PLCB4: variants seen among roughly 807,000 people sequenced by gnomAD.
PLCB4 encodes 1-phosphatidylinositol 4,5-bisphosphate phosphodiesterase beta-4.
A neutral mutation model predicts 178.8 loss-of-function variants in PLCB4; 77 were observed. The ratio of observed to expected loss-of-function variants is 0.43; its 90% confidence interval spans 0.36 to 0.52. The LOEUF is 0.52. Ranked by LOEUF, PLCB4 falls within the 20% of genes least tolerant of loss-of-function variation. The pLI is 0.00. For synonymous variants in PLCB4, 496 were observed against 490.8 expected, an observed-to-expected ratio of 1.01 and a Z score of -0.14; for missense variants, 1,024 against 1,453.4, an observed-to-expected ratio of 0.70 and a Z score of 4.80.
intron 4 of PLCB4, among the ~76,000 whole-genome samples, chr20:9,318,580 C>A (rs954273302): frequency 1.3e-5 from 2 of 152,144 alleles, no homozygotes; most frequent in Non-Finnish European, 2.9e-5. Context: ...AGGACTCAGG[C>A]CCTCCTCTCA....
intron 2 of PLCB4, among the ~76,000 whole-genome samples, chr20:9,184,517 A>G (rs1049984609): frequency 6.7e-6 from 1 of 150,316 alleles, no homozygotes; most frequent in Non-Finnish European, 1.5e-5. Flanking sequence ...TAACATTACT[A>G]TGCTCATAGG....
intron 2 of PLCB4, among the ~76,000 whole-genome samples, chr20:9,204,005 C>T (rs988819749): frequency 8.6e-5 from 13 of 151,760 alleles, no homozygotes; most frequent in Non-Finnish European, 1.5e-4. Context: ...TTCTTTCTCC[C>T]CCATGACTGC....
chr20:9,149,242 G>T (rs938174054), intron 2 of PLCB4, among the ~76,000 whole-genome samples: 1 of 152,052 alleles, frequency 6.6e-6, no homozygotes, highest in Non-Finnish European at 1.5e-5. Flanking sequence ...TGATCTCCAC[G>T]GCTGTTGCCC....
chr20:9,445,827 G>C (rs796522247), intron 32 of PLCB4, among the ~76,000 whole-genome samples: 7 of 152,350 alleles, frequency 4.6e-5, no homozygotes, highest in African/African-American at 1.7e-4. Context: ...AGAAATAAGA[G>C]AGAAAGCACC....
chr20:9,273,599 GGTGA>G (rs1209952150), intron 3 of PLCB4, among the ~76,000 whole-genome samples: 1 of 151,810 alleles, frequency 6.6e-6, no homozygotes, highest in Admixed American at 6.6e-5. Context: ...GTATTTGCCA[GGTGA>G]AGGAGGAGGA....
chr20:9,466,679 A>G (rs962169697), intron 35 of PLCB4, among the ~76,000 whole-genome samples: 2 of 152,254 alleles, frequency 1.3e-5, no homozygotes, highest in Middle Eastern at 3.2e-3. Flanking sequence ...ACATGAAAAA[A>G]TGCTCATCAT....
chr20:9,238,412 C>T (rs925840464), intron 3 of PLCB4, among the ~76,000 whole-genome samples: 22 of 152,184 alleles, frequency 1.4e-4, no homozygotes, highest in Admixed American at 1.2e-3. Flanking sequence ...GTTGACCCCC[C>T]CCCGAGGGAC....
intron 1 of PLCB4, among the ~76,000 whole-genome samples, chr20:9,089,150 C>A (rs1250456345): frequency 6.6e-6 from 1 of 151,610 alleles, no homozygotes; most frequent in African/African-American, 2.4e-5. Context: ...TACAAAATAG[C>A]CTTAAAAGAT....
intron 1 of PLCB4, among the ~76,000 whole-genome samples, chr20:9,075,947 T>C (rs536921084): frequency 1.2e-4 from 19 of 152,354 alleles, no homozygotes; most frequent in African/African-American, 4.1e-4. Context: ...CACCGTGTAC[T>C]AGAACATGTC....
chr20:9,291,703 A>G (rs1014099212), intron 3 of PLCB4, among the ~76,000 whole-genome samples: 1 of 152,158 alleles, frequency 6.6e-6, no homozygotes, highest in African/African-American at 2.4e-5. Flanking sequence ...TTGGGCGCAT[A>G]AGGAGATAAA....
intron 2 of PLCB4, among the ~76,000 whole-genome samples, chr20:9,149,555 G>A (rs772536872): frequency 3.3e-5 from 5 of 152,080 alleles, no homozygotes; most frequent in Non-Finnish European, 5.9e-5. Context: ...TGACATCCAC[G>A]TTATGCAGTT....
chr20:9,400,598 A>C (rs186675298), intron 19 of PLCB4, among the ~76,000 whole-genome samples: 1 of 152,060 alleles, frequency 6.6e-6, no homozygotes, highest in African/African-American at 2.4e-5. Context: ...TGGTGTGACC[A>C]TGTGGATTTA....
intron 2 of PLCB4, among the ~76,000 whole-genome samples, chr20:9,175,019 T>C (rs1269845163): frequency 6.6e-6 from 1 of 152,182 alleles, no homozygotes; most frequent in African/African-American, 2.4e-5. Flanking sequence ...TCTTTTTAGT[T>C]GATTCATAGA....
intron 3 of PLCB4, among the ~76,000 whole-genome samples, chr20:9,228,871 A>G (rs749989216): frequency 1.3e-5 from 2 of 152,208 alleles, no homozygotes; most frequent in Non-Finnish European, 2.9e-5. Flanking sequence ...AGAACCTCCT[A>G]AAGCTGAGAT....
At chr20:9,177,373 A>G (rs1466515684) in intron 2 of PLCB4, among the ~76,000 whole-genome samples, 1 of 152,134 alleles carries the variant, frequency 6.6e-6, no homozygotes, top group East Asian at 1.9e-4. Context: ...AACTAATTAA[A>G]CTACTGCTGT....
chr20:9,381,246 G>A (rs890618169), intron 13 of PLCB4, among the ~76,000 whole-genome samples: 4 of 152,230 alleles, frequency 2.6e-5, no homozygotes, highest in African/African-American at 7.2e-5. Context: ...CTAACACTTC[G>A]CATTGGCAGG....
intron 2 of PLCB4, among the ~76,000 whole-genome samples, chr20:9,098,815 C>T (rs2091028250): frequency 6.9e-6 from 1 of 144,056 alleles, no homozygotes; most frequent in South Asian, 2.2e-4. Context: ...AATTAATTGC[C>T]ACATACTCCA....
intron 3 of PLCB4, among the ~76,000 whole-genome samples, chr20:9,236,583 A>C (rs527425654): frequency 2.6e-5 from 4 of 152,276 alleles, no homozygotes; most frequent in Admixed American, 2.0e-4. Context: ...CTCTCTCCTG[A>C]TAATGGTAAC....
At chr20:9,382,899 G>GGT (rs2037263621) in intron 13 of PLCB4, among the ~76,000 whole-genome samples, 1 of 152,074 alleles carries the variant, frequency 6.6e-6, no homozygotes, top group Non-Finnish European at 1.5e-5. Flanking sequence ...AATGAATGAA[G>GGT]GTGCCCAAGG....
Sources: allele counts gnomAD v4.1 joint callset (sites outside exome capture counted in the v4.1 genomes callset), GRCh38; gene constraint gnomAD v4.1.1; transcripts MANE v1.5; gene names NCBI Gene and HGNC (gene_info 2026-07-23, HGNC 2026-07-21).